The following CAST variants were observed in gnomAD, a reference collection of about 807,000 sequenced individuals.
The protein encoded by CAST is MIR583 host.
Under a neutral mutation model 119.6 loss-of-function variants are expected in CAST, and 76 were observed. That is an observed-to-expected ratio of 0.64 (90% CI 0.53 to 0.77). CAST has a LOEUF of 0.77. Ranked by LOEUF, CAST falls within the 30% of genes least tolerant of loss-of-function variation. CAST has a pLI of 0.00. For missense variants in CAST, 953 were observed against 946.5 expected, an observed-to-expected ratio of 1.01 and a Z score of -0.09; for synonymous variants, 319 against 331.6, an observed-to-expected ratio of 0.96 and a Z score of 0.41.
chr5:96,399,919 C>T, the CAST span: 3 of 1,476,582 alleles, frequency 2.0e-6, no homozygotes, highest in Non-Finnish European at 1.9e-6. Flanking sequence ...ATGCCATGGG[C>T]ACACATGTGT....
At chr5:96,124,755 C>T in the CAST span, among the ~76,000 whole-genome samples, 1 of 152,120 alleles carries the variant, frequency 6.6e-6, no homozygotes, top group Non-Finnish European at 1.5e-5. Context: ...ACACTTTAAA[C>T]ATTGTTCTCA....
chr5:96,521,303 C>T (rs981780512), upstream of CAST, among the ~76,000 whole-genome samples: 1 of 152,198 alleles, frequency 6.6e-6, no homozygotes, highest in Non-Finnish European at 1.5e-5. Flanking sequence ...TCCAATTCCT[C>T]AGCATGGCAC....
chr5:96,653,572 A>T (rs1251228424), intron 1 of CAST, among the ~76,000 whole-genome samples: 1 of 152,236 alleles, frequency 6.6e-6, no homozygotes, highest in Non-Finnish European at 1.5e-5. Flanking sequence ...CATTGCTGTG[A>T]AGGTTTATAA....
the CAST span, among the ~76,000 whole-genome samples, chr5:96,376,174 C>T: frequency 2.0e-5 from 3 of 151,144 alleles, no homozygotes; most frequent in Non-Finnish European, 2.9e-5. Flanking sequence ...TAATGGACCA[C>T]ATATACAATA....
the CAST span, among the ~76,000 whole-genome samples, chr5:96,393,543 C>T: frequency 6.6e-6 from 1 of 152,148 alleles, no homozygotes; most frequent in Admixed American, 6.5e-5. Context: ...CTTCAACCCT[C>T]ATTTGCCTAC....
At chr5:96,758,621 G>C (rs1387558387) in intron 24 of CAST, among the ~76,000 whole-genome samples, 1 of 152,174 alleles carries the variant, frequency 6.6e-6, no homozygotes, top group East Asian at 1.9e-4. Flanking sequence ...ATGACAACTA[G>C]AAGAAATAAT....
the CAST span, among the ~76,000 whole-genome samples, chr5:96,069,381 GTC>G: frequency 3.3e-4 from 45 of 135,110 alleles, no homozygotes; most frequent in African/African-American, 7.4e-4. Flanking sequence ...GTGTGTGTGT[GTC>G]TATGTGTGTG....
At chr5:96,046,242 T>A in the CAST span, among the ~76,000 whole-genome samples, 1 of 152,164 alleles carries the variant, frequency 6.6e-6, no homozygotes, top group Non-Finnish European at 1.5e-5. Context: ...ACACATCCAA[T>A]AATATATATA....
the CAST span, among the ~76,000 whole-genome samples, chr5:96,311,766 T>A: frequency 8.5e-5 from 13 of 152,116 alleles, no homozygotes; most frequent in African/African-American, 2.9e-4. Flanking sequence ...CATGAAATAT[T>A]TTTCCATCCC....
chr5:96,647,657 C>T (rs1748032759), intron 1 of CAST, among the ~76,000 whole-genome samples: 1 of 152,010 alleles, frequency 6.6e-6, no homozygotes. Context: ...GTTAAAAATA[C>T]ATAATAAATA....
chr5:95,966,645 T>C, the CAST span, among the ~76,000 whole-genome samples: 2 of 152,218 alleles, frequency 1.3e-5, no homozygotes, highest in Non-Finnish European at 2.9e-5. Flanking sequence ...TTCTTCACTC[T>C]TAATGGGGCT....
the CAST span, among the ~76,000 whole-genome samples, chr5:96,143,682 T>C: frequency 6.6e-6 from 1 of 152,214 alleles, no homozygotes; most frequent in Non-Finnish European, 1.5e-5. Flanking sequence ...TTCAACTCTA[T>C]AAACCTCAGA....
the CAST span, among the ~76,000 whole-genome samples, chr5:95,984,481 C>T: frequency 6.6e-6 from 1 of 151,642 alleles, no homozygotes; most frequent in African/African-American, 2.4e-5. Context: ...ATGACTCAGC[C>T]AGACAAGAAA....
the CAST span, among the ~76,000 whole-genome samples, chr5:95,980,040 C>A: frequency 6.6e-6 from 1 of 152,024 alleles, no homozygotes; most frequent in Non-Finnish European, 1.5e-5. Context: ...ATCGCTTGAA[C>A]CTGGGAGGCG....
chr5:96,165,187 T>C, the CAST span, among the ~76,000 whole-genome samples: 2 of 146,338 alleles, frequency 1.4e-5, no homozygotes, highest in East Asian at 3.9e-4. Context: ...TCTTTTTTTT[T>C]CCCACTAGCT....
chr5:96,557,982 G>C (rs1746278357), intron 1 of CAST, among the ~76,000 whole-genome samples: 1 of 152,128 alleles, frequency 6.6e-6, no homozygotes, highest in Non-Finnish European at 1.5e-5. Flanking sequence ...AAATGTAAAA[G>C]AACAGAAATT....
the CAST span, among the ~76,000 whole-genome samples, chr5:96,115,258 A>G: frequency 1.3e-5 from 2 of 152,198 alleles, no homozygotes; most frequent in African/African-American, 4.8e-5. Flanking sequence ...GTCCCTTGTG[A>G]TATGTTGTTA....
chr5:96,251,403 T>G, the CAST span, among the ~76,000 whole-genome samples: 1 of 152,182 alleles, frequency 6.6e-6, no homozygotes, highest in Non-Finnish European at 1.5e-5. Flanking sequence ...CTGGGAAGCA[T>G]AGCACCTACA....
At chr5:96,038,438 G>A in the CAST span, among the ~76,000 whole-genome samples, 1 of 151,828 alleles carries the variant, frequency 6.6e-6, no homozygotes, top group Non-Finnish European at 1.5e-5. Flanking sequence ...TTGTTACATA[G>A]GTATACACGT....
Sources: allele counts gnomAD v4.1 joint callset (sites outside exome capture counted in the v4.1 genomes callset), GRCh38; gene constraint gnomAD v4.1.1; transcripts MANE v1.5; gene names NCBI Gene and HGNC (gene_info 2026-07-23, HGNC 2026-07-21).